TMEM132C: variants seen among roughly 807,000 people sequenced by gnomAD.
TMEM132C encodes the protein protein phosphatase 1, regulatory subunit 152.
TMEM132C carries 29 observed loss-of-function variants against 61.4 expected under a neutral mutation model. That is an observed-to-expected ratio of 0.47 (90% confidence interval 0.35 to 0.64). The LOEUF (loss-of-function observed/expected upper bound fraction) is 0.64, where lower values mean the gene tolerates loss of function less well. Ranked by LOEUF, TMEM132C falls within the 30% of genes least tolerant of loss-of-function variation. The pLI is 0.00. For missense variants in TMEM132C, 1,408 were observed against 1,476.9 expected (o/e 0.95, Z 0.76); for synonymous variants, 656 against 633.1 (o/e 1.04, Z -0.54).
chr12:128,304,772 G>GT (rs1397601572), intron 1 of TMEM132C, among the ~76,000 whole-genome samples: 3 of 152,190 alleles, frequency 2.0e-5, no homozygotes, highest in African/African-American at 7.2e-5. Context: ...TTAGAACTGT[G>GT]TCCACTCAAA....
chr12:128,311,747 C>T (rs907831443), intron 1 of TMEM132C, among the ~76,000 whole-genome samples: 18 of 152,218 alleles, frequency 1.2e-4, no homozygotes, highest in African/African-American at 4.1e-4. Flanking sequence ...TGGCTCCTCA[C>T]GCTGCCTGCT....
intron 3 of TMEM132C, among the ~76,000 whole-genome samples, chr12:128,566,485 A>G (rs1593102229): frequency 1.3e-5 from 2 of 152,328 alleles, no homozygotes; most frequent in East Asian, 3.9e-4. Context: ...AATGTGAAAC[A>G]TTGTGTTTGG....
intron 1 of TMEM132C, among the ~76,000 whole-genome samples, chr12:128,320,861 A>G (rs777268821): frequency 3.9e-5 from 6 of 151,904 alleles, no homozygotes; most frequent in Admixed American, 6.6e-5. Flanking sequence ...TTAATAATAA[A>G]GGATTTTAAA....
intron 3 of TMEM132C, among the ~76,000 whole-genome samples, chr12:128,565,041 T>C (rs1313081960): frequency 6.6e-6 from 1 of 152,214 alleles, no homozygotes; most frequent in Non-Finnish European, 1.5e-5. Context: ...AACTAACCAA[T>C]AGTGATATGC....
At chr12:128,576,326 C>G (rs905196532) in intron 3 of TMEM132C, among the ~76,000 whole-genome samples, 3 of 152,088 alleles carry the variant, frequency 2.0e-5, no homozygotes, top group Non-Finnish European at 4.4e-5. Flanking sequence ...AGAGTCAAAG[C>G]CTTCTCTCCC....
chr12:128,347,038 A>G (rs767913553), intron 1 of TMEM132C, among the ~76,000 whole-genome samples: 1 of 152,164 alleles, frequency 6.6e-6, no homozygotes, highest in Non-Finnish European at 1.5e-5. Context: ...CGAGCAGTGT[A>G]TACTGTACCC....
intron 1 of TMEM132C, among the ~76,000 whole-genome samples, chr12:128,295,840 A>G (rs1413071353): frequency 6.6e-6 from 1 of 151,272 alleles, no homozygotes; most frequent in Non-Finnish European, 1.5e-5. Context: ...TGTACTTTTC[A>G]GACCATATTT....
intron 5 of TMEM132C, among the ~76,000 whole-genome samples, chr12:128,672,531 T>C (rs550582021): frequency 1.3e-5 from 2 of 152,244 alleles, no homozygotes; most frequent in African/African-American, 4.8e-5. Context: ...TTTAGGGAAA[T>C]AAATGTATTC....
chr12:128,502,062 C>A (rs1442199463), intron 2 of TMEM132C, among the ~76,000 whole-genome samples: 1 of 152,156 alleles, frequency 6.6e-6, no homozygotes, highest in African/African-American at 2.4e-5. Context: ...AGCTACATGC[C>A]AAATATTTAT....
At chr12:128,572,928 C>T (rs534482683) in intron 3 of TMEM132C, among the ~76,000 whole-genome samples, 3 of 152,246 alleles carry the variant, frequency 2.0e-5, no homozygotes, top group South Asian at 2.1e-4. Flanking sequence ...GTTAGAATGG[C>T]GATCATTAAA....
intron 8 of TMEM132C, among the ~76,000 whole-genome samples, chr12:128,697,818 T>G (rs1213775529): frequency 6.6e-6 from 1 of 152,180 alleles, no homozygotes; most frequent in Non-Finnish European, 1.5e-5. Context: ...ATCTCTGACT[T>G]TATCTTGTGC....
rs1236498070 is a variant in TMEM132C, at chr12:128,570,351, G to C, written c.1121+26248G>C. On this transcript the variant is annotated intron_variant, in intron 3 of 8. Coordinates refer to ENST00000435159, the MANE Select transcript of TMEM132C (RefSeq NM_001136103.3). The surrounding 1 kb of genome is among the most constrained non-coding windows in gnomAD (Gnocchi z 4.7). ...TCCAAGTAATTCACAACACGTGAGT[G>C]CATTCATGGGCCTTTACAAATCTTG... is the stretch of plus-strand genomic sequence containing the variant. Among the ~76,000 whole-genome samples the C allele has an allele frequency of 6.6e-6, 1 of 152,208 alleles. No individual in the cohort carries two copies. The highest frequency in any genetic ancestry group is 2.4e-5 in the African/African-American group (1 of 41,450).
At chr12:128,321,318 A>C (rs909055428) in intron 1 of TMEM132C, among the ~76,000 whole-genome samples, 1 of 152,200 alleles carries the variant, frequency 6.6e-6, no homozygotes, top group African/African-American at 2.4e-5. Flanking sequence ...GAAACTGTCG[A>C]TACTCACAGC....
At chr12:128,607,449 G>A (rs926861755) in intron 3 of TMEM132C, among the ~76,000 whole-genome samples, 12 of 152,156 alleles carry the variant, frequency 7.9e-5, no homozygotes, top group African/African-American at 2.7e-4. Context: ...TTGCTGCATT[G>A]AGGAGAGAGG....
At chr12:128,514,533 C>A (rs1531245) in intron 2 of TMEM132C, among the ~76,000 whole-genome samples, 2 of 152,036 alleles carry the variant, frequency 1.3e-5, no homozygotes, top group Non-Finnish European at 2.9e-5. Context: ...AGGCGGGGTG[C>A]GGGGGCGACG....
At chr12:128,594,428 T>C (rs987936335) in intron 3 of TMEM132C, among the ~76,000 whole-genome samples, 1 of 147,322 alleles carries the variant, frequency 6.8e-6, no homozygotes, top group African/African-American at 2.5e-5. Context: ...TTGTGGCTGC[T>C]GTGCCCCCCA....
At chr12:128,507,379 T>C (rs367772388) in intron 2 of TMEM132C, among the ~76,000 whole-genome samples, 4 of 144,356 alleles carry the variant, frequency 2.8e-5, no homozygotes, top group Middle Eastern at 3.5e-3. Flanking sequence ...TCCAGGTGTT[T>C]TTTTCTTTTT....
At chr12:128,665,080 C>T (rs1336949762) in intron 4 of TMEM132C, among the ~76,000 whole-genome samples, 1 of 151,418 alleles carries the variant, frequency 6.6e-6, no homozygotes, top group African/African-American at 2.4e-5. Context: ...TACACAAACA[C>T]AGGCACTCAC....
At chr12:128,363,675 T>A (rs1873773289) in intron 1 of TMEM132C, among the ~76,000 whole-genome samples, 1 of 151,608 alleles carries the variant, frequency 6.6e-6, no homozygotes, top group Non-Finnish European at 1.5e-5. Flanking sequence ...TGAAACCCAG[T>A]CTCTACTAAA....
Sources: gnomAD v4.1 joint callset for allele counts (sites outside exome capture counted in the v4.1 genomes callset) on GRCh38, gnomAD v4.1.1 for gene constraint, Gnocchi (gnomAD v3.1) non-coding constraint, MANE v1.5 for transcripts, NCBI Gene and HGNC (gene_info 2026-07-23, HGNC 2026-07-21) for gene names.